IGDCC3: variants seen among roughly 807,000 people sequenced by gnomAD.
IGDCC3 encodes the protein putative neuronal cell adhesion molecule.
Under a neutral mutation model 72.0 loss-of-function variants are expected in IGDCC3, and 47 were observed. The observed-to-expected ratio is 0.65, with a 90% confidence interval of 0.52 to 0.83. The LOEUF (loss-of-function observed/expected upper bound fraction) is 0.83. IGDCC3 is among the 40% of genes least tolerant of loss of function. The probability of loss-of-function intolerance (pLI) is 0.00; values close to 1 mark genes in which losing one functional copy is unlikely to be tolerated. For synonymous variants in IGDCC3, 477 were observed against 472.8 expected (o/e 1.01, Z -0.11); for missense variants, 1,038 against 1,091.3 (o/e 0.95, Z 0.69).
intron 2 of IGDCC3, among the ~76,000 whole-genome samples, chr15:65,352,328 T>C (rs1034164309): frequency 6.6e-6 from 1 of 152,232 alleles, no homozygotes; most frequent in African/African-American, 2.4e-5. Flanking sequence ...CTTATGGCAA[T>C]ATAATTATTT....
chr15:65,332,231 G>A, intron 6 of IGDCC3, 125 bp from the exon 7 acceptor site: 2 of 1,149,918 alleles, frequency 1.7e-6, no homozygotes, highest in South Asian at 1.6e-5. Context: ...ACACACATCT[G>A]CCCCCTGGAG....
chr15:65,368,073 C>G (rs1871377335), intron 2 of IGDCC3, among the ~76,000 whole-genome samples: 1 of 152,008 alleles, frequency 6.6e-6, no homozygotes, highest in African/African-American at 2.4e-5. Context: ...GTTTTTCATC[C>G]TGGGTACTCT....
intron 3 of IGDCC3, 39 bp from the exon 4 acceptor site, chr15:65,335,460 C>T: frequency 1.3e-6 from 2 of 1,580,242 alleles, no homozygotes; most frequent in Non-Finnish European, 1.7e-6. Context: ...CCAGCACAGC[C>T]ATTGACATAA....
chr15:65,375,158 C>A lies in IGDCC3; in HGVS notation c.348G>T (p.Glu116Asp), dbSNP rs532633609. 6.2e-7 allele frequency: 1 copy of A among 1,614,218 alleles called. No homozygotes were observed. The highest frequency in any genetic ancestry group is 8.5e-7 in the Non-Finnish European group (1 of 1,180,048). ...GGSPSDEGDY[E>D]CVAQNRFGLV... is the part of the protein sequence containing the mutation. ...GCCCAAAGCGGTTCTGGGCCACACACTCATAGTCACCTTCATCCGAAGGGC... is the reference window on the plus strand; with the variant it reads ...GCCCAAAGCGGTTCTGGGCCACACAATCATAGTCACCTTCATCCGAAGGGC... Residue 116 changes from glutamate to aspartate, a missense_variant, in exon 2 of 14, where the codon GAG (glutamate) becomes GAT (aspartate). By Grantham distance (45) the Glu-to-Asp change is conservative. Coordinates refer to ENST00000327987, the MANE Select transcript of IGDCC3 (RefSeq NM_004884.4).
In IGDCC3 at chr15:65,332,113, G is replaced by A. The variant is rs746790615; in HGVS notation, c.983-7C>T. On this transcript the variant is annotated splice_polypyrimidine_tract_variant and splice_region_variant and intron_variant, in intron 6 of 13. Coordinates refer to ENST00000327987, the MANE Select transcript of IGDCC3 (RefSeq NM_004884.4). ...TGCACAAACTCAGCTGGGGCTGCGAGTAGAGTCAGGAGGGTGGGGGCGCAG... is the reference window on the plus strand; with the variant it reads ...TGCACAAACTCAGCTGGGGCTGCGAATAGAGTCAGGAGGGTGGGGGCGCAG... 1 of 1,611,846 alleles carries A rather than the reference G, an allele frequency of 6.2e-7. No homozygotes were observed. Among genetic ancestry groups the A allele is most frequent in the South Asian group, 1.1e-5 (1 of 90,774 alleles).
intron 2 of IGDCC3, among the ~76,000 whole-genome samples, chr15:65,348,501 AC>A (rs1385990389): frequency 6.6e-6 from 1 of 152,162 alleles, no homozygotes; most frequent in Non-Finnish European, 1.5e-5. Flanking sequence ...CCGAGGAGAC[AC>A]CCCAACCCAA....
chr15:65,336,852 C>T (rs2091034010), intron 2 of IGDCC3, among the ~76,000 whole-genome samples: 1 of 152,114 alleles, frequency 6.6e-6, no homozygotes, highest in African/African-American at 2.4e-5. Flanking sequence ...GGAAGGAGCC[C>T]CTCCCACTCG....
intron 2 of IGDCC3, among the ~76,000 whole-genome samples, chr15:65,371,207 C>T (rs546276767): frequency 2.0e-5 from 3 of 152,258 alleles, no homozygotes; most frequent in Non-Finnish European, 4.4e-5. Flanking sequence ...CTTAGCATTT[C>T]CTACATGCCA....
In IGDCC3 at chr15:65,330,629, G is replaced by A. The variant is rs745941735; in HGVS notation, c.1674C>T (p.Tyr558=). Residue 558 remains tyrosine (Y), a synonymous_variant, in exon 10 of 14, where the codon TAC becomes TAT. Coordinates refer to ENST00000327987, the MANE Select transcript of IGDCC3 (RefSeq NM_004884.4). ...AQHEGGFKLF[Y]RPASKTSFTG... is the part of the protein sequence containing the mutation. ...TGAAGGAGGTCTTGCTTGCTGGGCG[G>A]TAAAACAGCTTGAAGCCGCCCTCGT... 15 of 1,613,820 alleles carry A rather than the reference G, an allele frequency of 9.3e-6. No individual in the cohort carries two copies. In the African/African-American group the frequency reaches 1.1e-4, roughly 11 times the overall value.
chr15:65,343,636 G>A (rs953426790), intron 2 of IGDCC3, among the ~76,000 whole-genome samples: 4 of 152,302 alleles, frequency 2.6e-5, no homozygotes, highest in African/African-American at 7.2e-5. Context: ...CCGAGGTATA[G>A]TTAAAACACC....
At chr15:65,335,151 C>T in intron 4 of IGDCC3, 140 bp downstream of exon 4, 1 of 957,112 alleles carries the variant, frequency 1.0e-6, no homozygotes. Flanking sequence ...CACCCTCACG[C>T]CAGGCAGCAC....
Position 65,335,309 on chromosome 15 carries a change from C to A in IGDCC3, c.667G>T (p.Ala223Ser). 1 of 1,612,034 alleles carries A rather than the reference C, an allele frequency of 6.2e-7. No homozygotes were observed. Among genetic ancestry groups the A allele is most frequent in the Non-Finnish European group, 8.5e-7 (1 of 1,178,992 alleles). Residue 223 changes from alanine (A) to serine (S), a missense_variant, in exon 4 of 14, where the codon GCC becomes TCC. Transcript: ENST00000327987. ...NIASIRISHG[A>S]RLTVSGSGSG... ...CCCTCACCTGACACAGTGAGCCTGG[C>A]CCCGTGGCTGATCCGGATACTGGCG... is the stretch of plus-strand genomic sequence containing the variant.
chr15:65,370,908 A>G lies in IGDCC3; in HGVS notation c.409+4189T>C, dbSNP rs75869686. On this transcript the variant is annotated intron_variant, in intron 2 of 13. Coordinates refer to ENST00000327987, the MANE Select transcript of IGDCC3 (RefSeq NM_004884.4). ...CAAAGTGCTGGGATTTACAGGCATG[A>G]GCCATCACATTCCCCCATTTTAAAG... Among the ~76,000 whole-genome samples the G allele has an allele frequency of 6.5e-3, 994 of 152,302 alleles. 15 individuals carry two copies. The highest frequency in any genetic ancestry group is 0.023 in the African/African-American group (949 of 41,566).
At chr15:65,370,566 A>ATG (rs2091317410) in intron 2 of IGDCC3, among the ~76,000 whole-genome samples, 3 of 123,894 alleles carry the variant, frequency 2.4e-5, no homozygotes, top group African/African-American at 6.5e-5. Context: ...GTGTATATAT[A>ATG]TATGTATGTA....
At chr15:65,341,115 T>C (rs935958114) in intron 2 of IGDCC3, among the ~76,000 whole-genome samples, 3 of 152,088 alleles carry the variant, frequency 2.0e-5, no homozygotes, top group Non-Finnish European at 4.4e-5. Context: ...CAAATACACA[T>C]TGGATTGTGA....
At chr15:65,341,850 C>T (rs1274375425) in intron 2 of IGDCC3, among the ~76,000 whole-genome samples, 6 of 152,020 alleles carry the variant, frequency 3.9e-5, no homozygotes, top group Non-Finnish European at 7.4e-5. Context: ...CTCAGCTCAC[C>T]GCAACCTCCA....
intron 2 of IGDCC3, among the ~76,000 whole-genome samples, chr15:65,359,957 G>A (rs553248369): frequency 6.6e-6 from 1 of 152,194 alleles, no homozygotes; most frequent in African/African-American, 2.4e-5. Context: ...CAGGTAGGAG[G>A]TGTTCCTATC....
At chr15:65,336,586 G>C (rs2091031136) in intron 2 of IGDCC3, among the ~76,000 whole-genome samples, 1 of 151,938 alleles carries the variant, frequency 6.6e-6, no homozygotes, top group Non-Finnish European at 1.5e-5. Context: ...CCCCAAGAGG[G>C]TGTTGCATCC....
chr15:65,330,912 C>T (rs1369217089), intron 9 of IGDCC3, 138 bp downstream of exon 9: 1 of 1,147,094 alleles, frequency 8.7e-7, no homozygotes, highest in South Asian at 1.5e-5. Flanking sequence ...AAGCCCTTTC[C>T]TCCAAGTAGA....
Sources: allele counts gnomAD v4.1 joint callset (sites outside exome capture counted in the v4.1 genomes callset), GRCh38; gene constraint gnomAD v4.1.1; transcripts MANE v1.5; gene names NCBI Gene and HGNC (gene_info 2026-07-23, HGNC 2026-07-21).